Variants in PTBP2 observed in about 807,000 individuals in gnomAD.
PTBP2 encodes polypyrimidine tract binding protein 2.
Under a neutral mutation model 61.4 loss-of-function variants are expected in PTBP2, and 13 were observed. The ratio of observed to expected loss-of-function variants is 0.21; its 90% CI spans 0.14 to 0.34. The LOEUF (loss-of-function observed/expected upper bound fraction) is 0.34. Among genes scored for constraint, PTBP2 ranks in the 10% least tolerant of loss-of-function variants. The pLI, the probability that PTBP2 is intolerant of heterozygous loss-of-function variation, is 1.00. For synonymous variants in PTBP2, 215 were observed against 218.5 expected (o/e 0.98, Z 0.14); for missense variants, 405 against 642.6 (o/e 0.63, Z 4.00).
At chr1:96,738,244 A>G (rs955868840) in intron 2 of PTBP2, among the ~76,000 whole-genome samples, 9 of 152,106 alleles carry the variant, frequency 5.9e-5, no homozygotes, top group Admixed American at 5.9e-4. Flanking sequence ...GTATATATAT[A>G]TATAAACTCT....
intron 8 of PTBP2, among the ~76,000 whole-genome samples, chr1:96,792,813 T>C (rs1169732981): frequency 6.6e-6 from 1 of 152,180 alleles, no homozygotes; most frequent in African/African-American, 2.4e-5. Flanking sequence ...TCTTATTTTT[T>C]CAAAATCCTT....
chr1:96,791,826 C>CTTTTTTTTGTTTTTTTTTTTGTTTT (rs1482989030), intron 8 of PTBP2, among the ~76,000 whole-genome samples: 5 of 66,122 alleles, frequency 7.6e-5, no homozygotes, highest in African/African-American at 8.2e-5. Flanking sequence ...TGGAGTTGTG[C>CTTTTTTTTGTTTTTTTTTTTGTTTT]TTTTTTTTTT....
chr1:96,745,017 T>C (rs565530230), intron 2 of PTBP2, among the ~76,000 whole-genome samples: 17 of 152,326 alleles, frequency 1.1e-4, no homozygotes, highest in African/African-American at 2.2e-4. Context: ...CTTATCCTTA[T>C]AGTTTTCTCC....
At position 96,777,620 on chromosome 1, in the gene PTBP2, C is replaced by T. The variant is rs1048431796; in HGVS notation, c.468C>T (p.Val156=). ...CAGTTCTTCAAGCTGTGACAGCTGT[C>T]CAGACAGCAAATACTCCTCTTAGTG... ...AQAVLQAVTA[V]QTANTPLSGT... is the part of the protein sequence containing the mutation. The change falls in exon 6 of 14, where the codon GTC becomes GTT. Residue 156 remains valine (V), a synonymous_variant. Transcript: ENST00000674951. The T allele has an allele frequency of 1.9e-6, 3 of 1,612,842 alleles. No homozygotes were observed. The highest frequency in any genetic ancestry group is 2.5e-6 in the Non-Finnish European group (3 of 1,179,420).
chr1:96,763,255 G>A (rs1005514157), intron 3 of PTBP2, among the ~76,000 whole-genome samples: 4 of 152,060 alleles, frequency 2.6e-5, no homozygotes, highest in Non-Finnish European at 4.4e-5. Context: ...GTAACGAGCC[G>A]AGATCACGCC....
intron 2 of PTBP2, among the ~76,000 whole-genome samples, chr1:96,744,296 A>G (rs1653453228): frequency 6.6e-6 from 1 of 152,186 alleles, no homozygotes; most frequent in African/African-American, 2.4e-5. Flanking sequence ...TAATAAAAGT[A>G]AACGAGAACT....
chr1:96,775,703 A>G (rs550343976), intron 5 of PTBP2, among the ~76,000 whole-genome samples: 1 of 152,128 alleles, frequency 6.6e-6, no homozygotes, highest in South Asian at 2.1e-4. Flanking sequence ...GTGTGTGTGT[A>G]ATATTTTGAT....
Position 96,770,691 on chromosome 1 carries a change from G to A in PTBP2, c.289-17G>A. Reference sequence around the variant, plus strand: ...TTGAATTTATAGTATTAAAAATTGTGCTACTTAAATTTTCAGGCATTTTTG... The same window carrying A: ...TTGAATTTATAGTATTAAAAATTGTACTACTTAAATTTTCAGGCATTTTTG... On this transcript the variant is annotated splice_polypyrimidine_tract_variant and intron_variant, in intron 4 of 13. Transcript: ENST00000674951. 1 of 1,597,394 alleles carries A rather than the reference G, an allele frequency of 6.3e-7. No individual in the cohort carries two copies. Among genetic ancestry groups the A allele is most frequent in the Non-Finnish European group, 8.6e-7 (1 of 1,166,404 alleles).
chr1:96,813,231 T>C, intron 13 of PTBP2, 45 bp from the exon 14 acceptor site: 1 of 1,565,564 alleles, frequency 6.4e-7, no homozygotes, highest in Non-Finnish European at 8.6e-7. Context: ...ATAAGCCCTT[T>C]CTAATTTGTA....
At chr1:96,726,471 C>T (rs1174363158) in intron 2 of PTBP2, among the ~76,000 whole-genome samples, 1 of 150,946 alleles carries the variant, frequency 6.6e-6, no homozygotes, top group Non-Finnish European at 1.5e-5. Flanking sequence ...GGAGTCTCGC[C>T]CGGTCTCCCA....
chr1:96,732,874 A>G (rs996338573), intron 2 of PTBP2, among the ~76,000 whole-genome samples: 19 of 152,166 alleles, frequency 1.2e-4, no homozygotes, highest in African/African-American at 4.6e-4. Flanking sequence ...TTGTATATGG[A>G]TATGAGAGAA....
At chr1:96,816,962 A>AT (rs1472045757), downstream of PTBP2, 1 of 152,190 alleles carries the variant, frequency 6.6e-6, no homozygotes, top group African/African-American at 2.4e-5. Flanking sequence ...CTACAAAGAA[A>AT]TACTAATGTT....
intron 4 of PTBP2, among the ~76,000 whole-genome samples, chr1:96,770,113 A>G (rs892497538): frequency 2.0e-5 from 3 of 152,010 alleles, no homozygotes; most frequent in African/African-American, 7.2e-5. Context: ...AATAATTGTT[A>G]TGAAATTGTG....
chr1:96,724,800 T>C (rs189766413), intron 2 of PTBP2, among the ~76,000 whole-genome samples: 11 of 152,152 alleles, frequency 7.2e-5, no homozygotes, highest in African/African-American at 2.2e-4. Flanking sequence ...GGCACATGTA[T>C]ACATATGTAA....
At chr1:96,751,015 C>T (rs1654469483) in intron 2 of PTBP2, among the ~76,000 whole-genome samples, 1 of 152,082 alleles carries the variant, frequency 6.6e-6, no homozygotes, top group Non-Finnish European at 1.5e-5. Flanking sequence ...ATCTAACTCA[C>T]CAGAATGAAG....
chr1:96,788,541 A>G (rs553842120), intron 8 of PTBP2, among the ~76,000 whole-genome samples: 348 of 152,188 alleles, frequency 2.3e-3, no homozygotes, highest in Non-Finnish European at 4.3e-3. Context: ...TAATCAGATG[A>G]CTTCAGCAAA....
At position 96,770,013 on chromosome 1, in the gene PTBP2, C is replaced by T. The variant is rs568969186; in HGVS notation, c.288+138C>T. 369 of 597,780 alleles carry T rather than the reference C, an allele frequency of 6.2e-4. 1 individual carries two copies. Among genetic ancestry groups the T allele is most frequent in the Middle Eastern group, 2.3e-3 (5 of 2,158 alleles). The allele number at this position is 597,780 out of a possible 1,614,324, so 37.0% of individuals were successfully genotyped here. A position where few individuals can be genotyped will look rare whatever the true frequency, so the allele number is the denominator to read the frequency against. On this transcript the variant is annotated intron_variant, in intron 4 of 13. Coordinates refer to ENST00000674951, the MANE Select transcript of PTBP2 (RefSeq NM_021190.4). ...TATTCTCACTTTTTCGAGTAGATGT[C>T]TGTGGGAAACTAATGCTAGGTAGCC...
intron 3 of PTBP2, among the ~76,000 whole-genome samples, chr1:96,752,680 C>A (rs954912332): frequency 2.0e-5 from 3 of 152,038 alleles, no homozygotes; most frequent in Admixed American, 6.6e-5. Context: ...TTTTACAATG[C>A]ATACTGTGAT....
At chr1:96,728,512 T>C (rs1247359392) in intron 2 of PTBP2, among the ~76,000 whole-genome samples, 1 of 152,244 alleles carries the variant, frequency 6.6e-6, no homozygotes, top group East Asian at 1.9e-4. Flanking sequence ...TGTGATTTTA[T>C]GTCTGTACTC....
Sources: allele counts gnomAD v4.1 joint callset (sites outside exome capture counted in the v4.1 genomes callset), GRCh38; gene constraint gnomAD v4.1.1; transcripts MANE v1.5; gene names NCBI Gene and HGNC (gene_info 2026-07-23, HGNC 2026-07-21).